Variants in STK32A observed in about 807,000 individuals in gnomAD.
STK32A encodes the protein serine/threonine-protein kinase 32A.
A neutral mutation model predicts 53.2 loss-of-function variants in STK32A; 41 were observed. That is an observed-to-expected ratio of 0.77 (90% confidence interval 0.60 to 1.00). STK32A has a LOEUF of 1.00. Ranked by LOEUF, STK32A falls within the 50% of genes least tolerant of loss-of-function variation. The pLI, the probability that STK32A is intolerant of heterozygous loss-of-function variation, is 0.00. For missense variants in STK32A, 458 were observed against 485.8 expected, an observed-to-expected ratio of 0.94 and a Z score of 0.54; for synonymous variants, 166 against 162.8, an observed-to-expected ratio of 1.02 and a Z score of -0.15.
intron 1 of STK32A, 139 bp from the exon 2 acceptor site, chr5:147,239,400 C>T (rs930672494): frequency 9.9e-5 from 42 of 424,210 alleles, no homozygotes; most frequent in Non-Finnish European, 1.6e-4. Flanking sequence ...TGTTTTTATT[C>T]TGAAATCATG....
At chr5:147,343,109 C>G in intron 6 of STK32A, 66 bp downstream of exon 6, 1 of 1,527,486 alleles carries the variant, frequency 6.5e-7, no homozygotes, top group Non-Finnish European at 9.1e-7. Flanking sequence ...TTGTTCCCAG[C>G]AGAGGGGTAT....
intron 2 of STK32A, among the ~76,000 whole-genome samples, chr5:147,260,009 CTCTG>C (rs1339188912): frequency 7.0e-6 from 1 of 143,278 alleles, no homozygotes; most frequent in African/African-American, 2.7e-5. Context: ...TTTCTCTCTC[CTCTG>C]TCTCTTTGTC....
chr5:147,319,673 G>A (rs920597894), intron 4 of STK32A, among the ~76,000 whole-genome samples: 14 of 152,158 alleles, frequency 9.2e-5, no homozygotes, highest in African/African-American at 2.4e-4. Flanking sequence ...TGTACTTAAT[G>A]AATAGGACAG....
At chr5:147,334,121 G>A (rs1755003608) in intron 5 of STK32A, among the ~76,000 whole-genome samples, 2 of 152,164 alleles carry the variant, frequency 1.3e-5, no homozygotes, top group South Asian at 4.1e-4. Context: ...GAAATTAGAA[G>A]TGAGGAGTAA....
chr5:147,368,994 T>C (rs1286872416), intron 8 of STK32A, among the ~76,000 whole-genome samples: 3 of 152,184 alleles, frequency 2.0e-5, no homozygotes, highest in Non-Finnish European at 1.5e-5. Flanking sequence ...CTAAGCCTAA[T>C]CTGATTCTTA....
chr5:147,335,752 T>C (rs1232688432), intron 5 of STK32A, among the ~76,000 whole-genome samples: 2 of 152,010 alleles, frequency 1.3e-5, no homozygotes, highest in African/African-American at 4.8e-5. Flanking sequence ...CAGGGTGGAG[T>C]AGGTTTCCCA....
At chr5:147,367,873 C>T (rs1288204521) in intron 8 of STK32A, among the ~76,000 whole-genome samples, 1 of 152,168 alleles carries the variant, frequency 6.6e-6, no homozygotes, top group African/African-American at 2.4e-5. Flanking sequence ...AACTATGCTA[C>T]CTGCAATTAC....
In STK32A at chr5:147,322,371, T is replaced by C. The variant is rs190133412; in HGVS notation, c.261-1527T>C. Among the ~76,000 whole-genome samples, 896 of 152,362 alleles carry C rather than the reference T, an allele frequency of 5.9e-3. 21 individuals are homozygous for C. The highest frequency in any genetic ancestry group is 0.051 in the Admixed American group (775 of 15,302). ...TTTTATTTATTGAACTATCAGGTGCTATTAATGCTAATTAGAATGTTACCA... is the reference window on the plus strand; with the variant it reads ...TTTTATTTATTGAACTATCAGGTGCCATTAATGCTAATTAGAATGTTACCA... On this transcript the variant is annotated intron_variant, in intron 4 of 12. Transcript: ENST00000397936.
intron 2 of STK32A, among the ~76,000 whole-genome samples, chr5:147,246,027 G>T (rs1322064060): frequency 6.6e-6 from 1 of 152,144 alleles, no homozygotes; most frequent in Non-Finnish European, 1.5e-5. Context: ...GTCTATCATG[G>T]TCTATTTGCA....
chr5:147,351,284 T>C (rs562011724), intron 7 of STK32A, 130 bp downstream of exon 7: 306 of 729,442 alleles, frequency 4.2e-4, no homozygotes, highest in Admixed American at 6.2e-4. Context: ...GAGCTTCTGA[T>C]TTCATGGGTC....
intron 4 of STK32A, among the ~76,000 whole-genome samples, chr5:147,284,827 C>T (rs1362979535): frequency 6.6e-6 from 1 of 152,086 alleles, no homozygotes; most frequent in Non-Finnish European, 1.5e-5. Context: ...GAAACATGTC[C>T]CATGCTCATG....
At chr5:147,300,973 C>T (rs1342846202) in intron 4 of STK32A, among the ~76,000 whole-genome samples, 1 of 152,262 alleles carries the variant, frequency 6.6e-6, no homozygotes, top group Admixed American at 6.5e-5. Flanking sequence ...CCCCTTCACC[C>T]TCTGAAGGTT....
At chr5:147,281,789 G>T (rs1752076966) in intron 4 of STK32A, among the ~76,000 whole-genome samples, 1 of 152,122 alleles carries the variant, frequency 6.6e-6, no homozygotes, top group Admixed American at 6.5e-5. Context: ...AAAGATATTT[G>T]CTTAGGCACA....
intron 7 of STK32A, among the ~76,000 whole-genome samples, chr5:147,351,795 C>G (rs927866082): frequency 3.3e-5 from 5 of 152,036 alleles, no homozygotes; most frequent in Non-Finnish European, 7.4e-5. Flanking sequence ...TGCAGTGAGT[C>G]GAGATCGCGC....
intron 2 of STK32A, among the ~76,000 whole-genome samples, chr5:147,246,100 G>A (rs765066276): frequency 1.3e-5 from 2 of 152,094 alleles, no homozygotes; most frequent in African/African-American, 2.4e-5. Flanking sequence ...ATGCTGTCTC[G>A]TATTTATTAT....
downstream of STK32A, among the ~76,000 whole-genome samples, chr5:147,389,526 T>C (rs1461312029): frequency 6.6e-6 from 1 of 152,158 alleles, no homozygotes; most frequent in Non-Finnish European, 1.5e-5. Context: ...CTCCCTCTTC[T>C]GAGGTTACTA....
chr5:147,252,404 T>C (rs1754037828), intron 2 of STK32A, among the ~76,000 whole-genome samples: 1 of 152,180 alleles, frequency 6.6e-6, no homozygotes, highest in Admixed American at 6.6e-5. Context: ...ATGTTCCTAA[T>C]CAATAACTAG....
At chr5:147,269,556 A>T (rs4419634) in intron 2 of STK32A, among the ~76,000 whole-genome samples, 89,656 of 152,024 alleles carry the variant, frequency 0.59, 26,795 homozygotes, top group African/African-American at 0.67. Flanking sequence ...CACTGAGGAG[A>T]GTCACGTTTA....
chr5:147,313,385 T>C (rs1753801093), intron 4 of STK32A, among the ~76,000 whole-genome samples: 1 of 152,180 alleles, frequency 6.6e-6, no homozygotes. Flanking sequence ...CATACATAAA[T>C]TGCAGCACTG....
Sources: gnomAD v4.1 joint callset for allele counts (sites outside exome capture counted in the v4.1 genomes callset) on GRCh38, gnomAD v4.1.1 for gene constraint, MANE v1.5 for transcripts, NCBI Gene and HGNC (gene_info 2026-07-23, HGNC 2026-07-21) for gene names.